Variants in ITGA9 observed in about 807,000 individuals in gnomAD.
ITGA9 encodes the protein integrin alpha-9.
A neutral mutation model predicts 127.8 loss-of-function variants in ITGA9; 56 were observed. The ratio of observed to expected loss-of-function variants is 0.44; its 90% CI spans 0.35 to 0.55. The LOEUF is 0.55. ITGA9 is among the 20% of genes least tolerant of loss of function. The pLI, the probability that ITGA9 is intolerant of heterozygous loss-of-function variation, is 0.00. For synonymous variants in ITGA9, 508 were observed against 514.5 expected, an observed-to-expected ratio of 0.99 and a Z score of 0.17; for missense variants, 1,196 against 1,347.1, an observed-to-expected ratio of 0.89 and a Z score of 1.76.
chr3:37,687,523 C>T (rs950773594), intron 18 of ITGA9, among the ~76,000 whole-genome samples: 2 of 152,148 alleles, frequency 1.3e-5, no homozygotes, highest in African/African-American at 4.8e-5. Flanking sequence ...GTGCAGCAGA[C>T]ACCAGGCAAA....
At position 37,819,475 on chromosome 3, in the gene ITGA9, CT is replaced by C. The variant is rs1200724346; in HGVS notation, c.*488del. Reference sequence around the variant, plus strand: ...ATGAAAATCTTACCGTACTTTGGAACTTGCTGTTTAAAAAGACAGATGAAAT... The same window carrying C: ...ATGAAAATCTTACCGTACTTTGGAACTGCTGTTTAAAAAGACAGATGAAAT... On this transcript the variant is annotated 3_prime_UTR_variant, in exon 28 of 28. Transcript: ENST00000264741. 6.3e-6 allele frequency: 1 copy of C among 158,722 alleles called. No individual in the cohort carries two copies. Among genetic ancestry groups the C allele is most frequent in the Non-Finnish European group, 1.4e-5 (1 of 71,554 alleles). 9.8% of individuals were successfully genotyped at this position (158,722 alleles called of 1,614,324 possible).
intron 15 of ITGA9, among the ~76,000 whole-genome samples, chr3:37,571,157 G>C (rs1318111455): frequency 6.6e-6 from 1 of 152,184 alleles, no homozygotes; most frequent in African/African-American, 2.4e-5. Context: ...TGCCTACCCA[G>C]AGTTGTTGTT....
In ITGA9 at chr3:37,465,301, G is replaced by A. The variant is rs1235811238; in HGVS notation, c.186-5706G>A. ...GAGACAGGTTCAGAGCGAGGTGGGC[G>A]GCTGGAATGGAGCCTTCACAGACAG... is the stretch of plus-strand genomic sequence containing the variant. On this transcript the variant is annotated intron_variant, in intron 1 of 27. Coordinates refer to ENST00000264741, the MANE Select transcript of ITGA9 (RefSeq NM_002207.3). 6.6e-5 allele frequency among the ~76,000 whole-genome samples: 10 copies of A among 152,152 alleles called. 1 individual carries two copies. In the South Asian group the frequency reaches 1.7e-3, roughly 25 times the overall value.
At chr3:37,576,580 G>T (rs1699655940) in intron 15 of ITGA9, among the ~76,000 whole-genome samples, 3 of 152,152 alleles carry the variant, frequency 2.0e-5, no homozygotes, top group Admixed American at 2.0e-4. Flanking sequence ...GGCATGCTGT[G>T]CCTGCCACAG....
chr3:37,529,079 G>A (rs538872658), intron 13 of ITGA9, among the ~76,000 whole-genome samples: 2 of 152,262 alleles, frequency 1.3e-5, no homozygotes, highest in South Asian at 2.1e-4. Context: ...TTGGTGTGTT[G>A]CTTGTTTTTC....
intron 8 of ITGA9, among the ~76,000 whole-genome samples, chr3:37,510,591 A>G (rs1195171208): frequency 6.6e-6 from 1 of 152,044 alleles, no homozygotes; most frequent in Non-Finnish European, 1.5e-5. Flanking sequence ...ACCTTTGAGA[A>G]CCCACTTGTC....
chr3:37,694,858 A>G (rs1478100629), intron 18 of ITGA9, among the ~76,000 whole-genome samples: 1 of 152,190 alleles, frequency 6.6e-6, no homozygotes, highest in East Asian at 1.9e-4. Flanking sequence ...AATAAAATAA[A>G]ATTTTCAAAA....
rs1452503038 is a variant in ITGA9, at chr3:37,452,478, A to G, written c.104A>G (p.Gln35Arg). 2 of 1,508,950 alleles carry G rather than the reference A, an allele frequency of 1.3e-6. No homozygotes were observed. Among genetic ancestry groups the G allele is most frequent in the Admixed American group, 2.1e-5 (1 of 46,914 alleles). 93.5% of individuals were successfully genotyped at this position (1,508,950 alleles called of 1,614,324 possible). The change falls in exon 1 of 28, where the codon CAG (glutamine) becomes CGG (arginine). Residue 35 changes from glutamine (Q) to arginine (R), a missense_variant. Physicochemically the swap from Gln to Arg is conservative, Grantham distance 43. Transcript: ENST00000264741. This position sits in a 1 kb window ranked among gnomAD's most constrained non-coding sequence, Gnocchi z 7.3. Reference sequence around the variant, plus strand: ...GCGGGCGCCTACAACCTCGACCCGCAGCGCCCCGTGCACTTCCAGGGCCCC... The same window carrying G: ...GCGGGCGCCTACAACCTCGACCCGCGGCGCCCCGTGCACTTCCAGGGCCCC... ...IPAGAYNLDP[Q>R]RPVHFQGPAD...
At chr3:37,504,076 C>T (rs549396376) in intron 6 of ITGA9, among the ~76,000 whole-genome samples, 1 of 152,304 alleles carries the variant, frequency 6.6e-6, no homozygotes, top group Non-Finnish European at 1.5e-5. Flanking sequence ...TTTTGCATAG[C>T]GTCACTGGGA....
At chr3:37,588,968 G>T (rs913766194) in intron 15 of ITGA9, among the ~76,000 whole-genome samples, 3 of 152,202 alleles carry the variant, frequency 2.0e-5, no homozygotes, top group Non-Finnish European at 4.4e-5. Flanking sequence ...AGGCTCTGCT[G>T]CAGGGACAGG....
At chr3:37,803,792 G>A (rs747242197) in intron 26 of ITGA9, 31 bp from the exon 27 acceptor site, 4 of 1,613,580 alleles carry the variant, frequency 2.5e-6, no homozygotes, top group Admixed American at 3.3e-5. Context: ...AATAAAAAAG[G>A]AAATGTTTTC....
intron 15 of ITGA9, among the ~76,000 whole-genome samples, chr3:37,561,328 C>T (rs1699485711): frequency 1.3e-5 from 2 of 152,102 alleles, no homozygotes; most frequent in African/African-American, 2.4e-5. Context: ...ATTAGGCACA[C>T]GTGGGTAGTG....
intron 16 of ITGA9, among the ~76,000 whole-genome samples, chr3:37,634,158 AG>A (rs1700255135): frequency 1.3e-5 from 2 of 152,172 alleles, no homozygotes. Flanking sequence ...TTGACCACAA[AG>A]GAAGATAGCA....
intron 18 of ITGA9, among the ~76,000 whole-genome samples, chr3:37,710,668 G>C (rs955579942): frequency 6.6e-6 from 1 of 152,180 alleles, no homozygotes; most frequent in African/African-American, 2.4e-5. Flanking sequence ...GGAGCTGAAA[G>C]GGACAGTATG....
chr3:37,452,496 A>G lies in ITGA9; in HGVS notation c.122A>G (p.Gln41Arg). ...NLDPQRPVHF[Q>R]GPADSFFGYA... Reference sequence around the variant, plus strand: ...GACCCGCAGCGCCCCGTGCACTTCCAGGGCCCCGCTGACTCGTTCTTCGGC... The same window carrying G: ...GACCCGCAGCGCCCCGTGCACTTCCGGGGCCCCGCTGACTCGTTCTTCGGC... The change falls in exon 1 of 28, where the codon CAG (glutamine) becomes CGG (arginine). Residue 41 changes from glutamine to arginine, a missense_variant. Transcript: ENST00000264741. The surrounding 1 kb of genome is among the most constrained non-coding windows in gnomAD (Gnocchi z 7.3). 1 of 1,513,774 alleles carries G rather than the reference A, an allele frequency of 6.6e-7. No individual in the cohort carries two copies. Among genetic ancestry groups the G allele is most frequent in the South Asian group, 1.2e-5 (1 of 81,212 alleles). The allele number at this position is 1,513,774 out of a possible 1,614,324, so 93.8% of individuals were successfully genotyped here. A position where few individuals can be genotyped will look rare whatever the true frequency, so the allele number is the denominator to read the frequency against.
rs1351792271 is a variant in ITGA9, at chr3:37,681,814, C to T, written c.1917-2051C>T. Among the ~76,000 whole-genome samples the T allele has an allele frequency of 2.6e-5, 4 of 152,004 alleles. No individual in the cohort carries two copies. The East Asian group carries it at 5.8e-4, about 22-fold the overall frequency. The stretch of plus-strand genomic sequence containing the variant: ...CCGTTCACTCACCCCTGTCCTGGGC[C>T]CCCATTTCCCTCCATCTCCTCACCT... On this transcript the variant is annotated intron_variant, in intron 17 of 27. Coordinates refer to ENST00000264741, the MANE Select transcript of ITGA9 (RefSeq NM_002207.3).
intron 15 of ITGA9, among the ~76,000 whole-genome samples, chr3:37,550,673 GT>G (rs1315959902): frequency 6.6e-6 from 1 of 152,154 alleles, no homozygotes; most frequent in African/African-American, 2.4e-5. Flanking sequence ...TAATTAGGAA[GT>G]TATGAGTGTT....
intron 14 of ITGA9, among the ~76,000 whole-genome samples, chr3:37,538,144 A>G (rs1699229289): frequency 6.6e-6 from 1 of 152,218 alleles, no homozygotes; most frequent in Non-Finnish European, 1.5e-5. Flanking sequence ...GAGTGATTGC[A>G]TTTTGCACTC....
At chr3:37,608,743 T>C (rs1262166799) in intron 15 of ITGA9, among the ~76,000 whole-genome samples, 1 of 152,178 alleles carries the variant, frequency 6.6e-6, no homozygotes, top group African/African-American at 2.4e-5. Context: ...CAGGACCAAC[T>C]CTTTTATGGT....
Sources: gnomAD v4.1 joint callset for allele counts (sites outside exome capture counted in the v4.1 genomes callset) on GRCh38, gnomAD v4.1.1 for gene constraint, Gnocchi (gnomAD v3.1) non-coding constraint, MANE v1.5 for transcripts, NCBI Gene and HGNC (gene_info 2026-07-23, HGNC 2026-07-21) for gene names.